Variants in AMMECR1 observed in about 807,000 individuals in gnomAD.
AMMECR1 encodes the protein nuclear protein AMMECR1.
In AMMECR1, 3 loss-of-function variants were observed where a neutral mutation model predicts 22.5. The ratio of observed to expected loss-of-function variants is 0.13; its 90% CI spans 0.06 to 0.35. The LOEUF (loss-of-function observed/expected upper bound fraction) is 0.35. Ranked by LOEUF, AMMECR1 falls within the 10% of genes least tolerant of loss-of-function variation. The pLI, the probability that AMMECR1 is intolerant of heterozygous loss-of-function variation, is 1.00. For missense variants in AMMECR1, 235 were observed against 278.7 expected, an observed-to-expected ratio of 0.84 and a Z score of 1.12; for synonymous variants, 130 against 116.7, an observed-to-expected ratio of 1.11 and a Z score of -0.74.
chrX:110,277,691 A>G (rs1416507366), intron 1 of AMMECR1, among the ~76,000 whole-genome samples: 7 of 112,040 alleles, frequency 6.2e-5, no homozygotes, highest in Non-Finnish European at 1.3e-4. Context: ...GGGGCAACAC[A>G]CTACTCAGAA....
At chrX:110,409,359 C>T (rs745873246) in intron 2 of AMMECR1, among the ~76,000 whole-genome samples, 1 of 111,470 alleles carries the variant, frequency 9.0e-6, no homozygotes, top group Non-Finnish European at 1.9e-5. Context: ...AAGGGACTGA[C>T]GTCAGATGGT....
At chrX:110,342,378 C>CT (rs1360019572) in intron 2 of AMMECR1, among the ~76,000 whole-genome samples, 75 of 106,609 alleles carry the variant, frequency 7.0e-4, no homozygotes, top group Admixed American at 1.7e-3. Context: ...AATGAATATT[C>CT]TTTTTTTTTT....
chrX:110,199,666 T>C (rs1415318577), intron 5 of AMMECR1, among the ~76,000 whole-genome samples: 2 of 111,086 alleles, frequency 1.8e-5, no homozygotes, highest in African/African-American at 6.5e-5. Context: ...ACCCAGTCCT[T>C]TCATTTCTTC....
At chrX:110,262,803 G>A (rs1265783167) in intron 2 of AMMECR1, among the ~76,000 whole-genome samples, 4 of 111,544 alleles carry the variant, frequency 3.6e-5, no homozygotes, top group Non-Finnish European at 7.6e-5. Context: ...ATTCTGTTTT[G>A]AAAACAGACT....
chrX:110,364,132 T>C (rs1005260400), intron 2 of AMMECR1, among the ~76,000 whole-genome samples: 3 of 111,273 alleles, frequency 2.7e-5, no homozygotes, highest in African/African-American at 9.8e-5. Context: ...TGCCTCTTCC[T>C]AGCGGTTCCA....
At chrX:110,354,670 T>G (rs758476643) in intron 2 of AMMECR1, among the ~76,000 whole-genome samples, 3 of 111,825 alleles carry the variant, frequency 2.7e-5, no homozygotes, top group Non-Finnish European at 5.6e-5. Flanking sequence ...CAATGGAACA[T>G]GACAGAAAGC....
intron 2 of AMMECR1, among the ~76,000 whole-genome samples, chrX:110,362,709 T>A (rs959302507): frequency 3.6e-5 from 4 of 112,092 alleles, no homozygotes; most frequent in African/African-American, 1.3e-4. Context: ...TGTTCTTTCA[T>A]ACTTCCTTGG....
chrX:110,278,938 TTAGA>T (rs2067839232), intron 1 of AMMECR1, among the ~76,000 whole-genome samples: 1 of 112,243 alleles, frequency 8.9e-6, no homozygotes, highest in African/African-American at 3.2e-5. Flanking sequence ...CCACTGCTTC[TTAGA>T]TAAATCCCAC....
At chrX:110,410,732 G>A (rs751561265) in intron 2 of AMMECR1, among the ~76,000 whole-genome samples, 86 of 111,463 alleles carry the variant, frequency 7.7e-4, no homozygotes, top group African/African-American at 2.6e-3. Flanking sequence ...GTCAAGCTGC[G>A]TTGGTGGTGA....
chrX:110,240,383 C>CA (rs201985833), intron 2 of AMMECR1, among the ~76,000 whole-genome samples: 185 of 10,661 alleles, frequency 0.017, no homozygotes, highest in East Asian at 0.057. Flanking sequence ...AAATGGAAAG[C>CA]AAAAAAAAAA....
At chrX:110,331,725 A>G (rs1309114423) in intron 2 of AMMECR1, among the ~76,000 whole-genome samples, 1 of 111,014 alleles carries the variant, frequency 9.0e-6, no homozygotes, top group East Asian at 2.8e-4. Flanking sequence ...TATAAGGAGA[A>G]CCCCAAACTC....
intron 2 of AMMECR1, among the ~76,000 whole-genome samples, chrX:110,248,798 A>C (rs1370619186): frequency 8.9e-6 from 1 of 112,175 alleles, no homozygotes; most frequent in Non-Finnish European, 1.9e-5. Context: ...TTTATGGTGA[A>C]TCCTTCCCCC....
At chrX:110,251,343 G>A (rs1372886155) in intron 2 of AMMECR1, among the ~76,000 whole-genome samples, 3 of 111,883 alleles carry the variant, frequency 2.7e-5, no homozygotes, top group Non-Finnish European at 5.6e-5. Flanking sequence ...AGCAAGCTGA[G>A]TCTTGAAGGA....
intron 2 of AMMECR1, among the ~76,000 whole-genome samples, chrX:110,422,508 T>C (rs1475551876): frequency 8.9e-6 from 1 of 112,959 alleles, no homozygotes; most frequent in Non-Finnish European, 1.9e-5. Flanking sequence ...CACATTCTGG[T>C]TAAAACCAGA....
At chrX:110,219,131 G>T (rs1433590586) in intron 2 of AMMECR1, among the ~76,000 whole-genome samples, 3 of 111,787 alleles carry the variant, frequency 2.7e-5, no homozygotes, top group Non-Finnish European at 5.7e-5. Flanking sequence ...GTGGATGTAT[G>T]TTTTCATTTC....
chrX:110,301,486 C>T (rs1267884272), intron 1 of AMMECR1, among the ~76,000 whole-genome samples: 2 of 112,201 alleles, frequency 1.8e-5, no homozygotes, highest in Admixed American at 9.4e-5. Flanking sequence ...CAAATAAAGA[C>T]AAGCCTGGTG....
chrX:110,327,697 T>C (rs759184116), intron 2 of AMMECR1, among the ~76,000 whole-genome samples: 1 of 111,838 alleles, frequency 8.9e-6, no homozygotes, highest in Non-Finnish European at 1.9e-5. Flanking sequence ...GGTTTTTATT[T>C]AATTAGCGAT....
chrX:110,385,454 GA>G (rs2068448678), intron 2 of AMMECR1, among the ~76,000 whole-genome samples: 1 of 111,085 alleles, frequency 9.0e-6, no homozygotes, highest in Non-Finnish European at 1.9e-5. Flanking sequence ...CTAATTTTTA[GA>G]AAATATTCAT....
intron 2 of AMMECR1, chrX:110,219,641 C>T: frequency 1.4e-6 from 1 of 734,336 alleles, no homozygotes; most frequent in Non-Finnish European, 1.6e-6. Context: ...ATGTTTAGAA[C>T]AAGGAGTTAG....
Sources: gnomAD v4.1 joint callset for allele counts (sites outside exome capture counted in the v4.1 genomes callset) on GRCh38, gnomAD v4.1.1 for gene constraint, MANE v1.5 for transcripts, NCBI Gene and HGNC (gene_info 2026-07-23, HGNC 2026-07-21) for gene names.